TMEM161B: variants seen among roughly 807,000 people sequenced by gnomAD.
TMEM161B encodes transmembrane protein 161B.
In TMEM161B, 34 loss-of-function variants were observed where a neutral mutation model predicts 61.8. That is an observed-to-expected ratio of 0.55 (90% CI 0.42 to 0.73). The LOEUF (loss-of-function observed/expected upper bound fraction) is 0.73, where lower values mean the gene tolerates loss of function less well. Ranked by LOEUF, TMEM161B falls within the 30% of genes least tolerant of loss-of-function variation. The pLI, the probability that TMEM161B is intolerant of heterozygous loss-of-function variation, is 0.00. For synonymous variants in TMEM161B, 167 were observed against 192.8 expected, an observed-to-expected ratio of 0.87 and a Z score of 1.11; for missense variants, 456 against 558.5, an observed-to-expected ratio of 0.82 and a Z score of 1.85.
At chr5:88,215,745 G>A (rs1014939128) in intron 5 of TMEM161B, among the ~76,000 whole-genome samples, 3 of 152,116 alleles carry the variant, frequency 2.0e-5, no homozygotes, top group Non-Finnish European at 2.9e-5. Context: ...GGCTGTGTGG[G>A]ACCTTTGCTC....
Position 88,207,157 on chromosome 5 carries a change from G to A in TMEM161B, c.470C>T (p.Thr157Ile), listed in dbSNP as rs200640018. 6.2e-7 allele frequency: 1 copy of A among 1,609,204 alleles called. No individual in the cohort carries two copies. The highest frequency in any genetic ancestry group is 8.5e-7 in the Non-Finnish European group (1 of 1,178,570). Residue 157 changes from threonine to isoleucine, a missense_variant, in exon 6 of 12, where the codon ACA becomes ATA. Physicochemically the swap from Thr to Ile is moderately conservative, Grantham distance 89. Transcript: ENST00000296595. ...ACCATCTTCTACTTTAAAATAGTGT[G>A]TAGTTAATGAAAATAGAACTTTGCT... ...FAIKVLFSLTTHYFKVEDGGE... is the reference protein window; with the variant it reads ...FAIKVLFSLTIHYFKVEDGGE...
chr5:88,215,585 T>G (rs893524913), intron 5 of TMEM161B, among the ~76,000 whole-genome samples: 4 of 152,142 alleles, frequency 2.6e-5, no homozygotes, highest in Non-Finnish European at 5.9e-5. Context: ...TGGCAGAAAG[T>G]AGCTTGGCCT....
chr5:88,223,714 C>T (rs536869126), intron 4 of TMEM161B, among the ~76,000 whole-genome samples: 8 of 152,010 alleles, frequency 5.3e-5, no homozygotes, highest in Admixed American at 2.6e-4. Context: ...GGTGAAACCC[C>T]GTCTCCACTA....
rs887589545 is a variant in TMEM161B, at chr5:88,228,480, T to C, written c.156A>G (p.Ala52=). The change falls in exon 3 of 12, where the codon GCA becomes GCG. Residue 52 remains alanine (A), a synonymous_variant. Transcript: ENST00000296595. ...TGGTTTTCCCTTTTTGTTGTTTCCC[T>C]GCAAGAATTCTTAATTCTTCTTCTG... The part of the protein sequence containing the change: ...HPTEEELRIL[A]GKQQKGKTKK... 8 of 1,608,892 alleles carry C rather than the reference T, an allele frequency of 5.0e-6. No individual in the cohort carries two copies. The Admixed American group carries it at 5.0e-5, about 10-fold the overall frequency.
chr5:88,224,951 C>T (rs1278946767), intron 4 of TMEM161B, among the ~76,000 whole-genome samples: 1 of 146,246 alleles, frequency 6.8e-6, no homozygotes, highest in Non-Finnish European at 1.5e-5. Flanking sequence ...ACATAACACA[C>T]AAAATATGTT....
rs1749867131 is a variant in TMEM161B, at chr5:88,197,527, C to G, written c.1186+142G>C. 1.4e-5 allele frequency: 10 copies of G among 710,956 alleles called. 1 individual carries two copies. In the South Asian group the frequency reaches 1.9e-4, roughly 13 times the overall value. The allele number at this position is 710,956 out of a possible 1,614,324, so 44.0% of individuals were successfully genotyped here. A position where few individuals can be genotyped will look rare whatever the true frequency, so the allele number is the denominator to read the frequency against. ...GAAGATGATAAATCACCTTCCACAG[C>G]TAAAACTTTCCCATGGTTCTTTTTA... On this transcript the variant is annotated intron_variant, in intron 11 of 11. Coordinates refer to ENST00000296595, the MANE Select transcript of TMEM161B (RefSeq NM_153354.5).
intron 9 of TMEM161B, 139 bp downstream of exon 9, chr5:88,202,823 C>A (rs1179744509): frequency 1.4e-6 from 1 of 700,130 alleles, no homozygotes; most frequent in Non-Finnish European, 2.5e-6. Flanking sequence ...TTTCAATTTT[C>A]TAACACATCT....
At chr5:88,232,681 C>CTCCTGCCT (rs1342038493) in intron 2 of TMEM161B, among the ~76,000 whole-genome samples, 2 of 152,128 alleles carry the variant, frequency 1.3e-5, no homozygotes, top group Non-Finnish European at 2.9e-5. Flanking sequence ...TCATGCCATT[C>CTCCTGCCT]TCCTGCCTCA....
At chr5:88,217,235 C>T (rs996709313) in intron 5 of TMEM161B, among the ~76,000 whole-genome samples, 20 of 152,154 alleles carry the variant, frequency 1.3e-4, no homozygotes, top group African/African-American at 4.6e-4. Context: ...ACAGCCTGGG[C>T]AACAGAGCAA....
In TMEM161B at chr5:88,203,803, AT is replaced by A. The variant is rs1561312750; in HGVS notation, c.801-729del. On this transcript the variant is annotated intron_variant, in intron 8 of 11. Coordinates refer to ENST00000296595, the MANE Select transcript of TMEM161B (RefSeq NM_153354.5). The stretch of plus-strand genomic sequence containing the variant: ...TATATATATATATATATATATATAT[AT>A]ATATATATATAATTTGCATTACTCC... 1.4e-3 allele frequency among the ~76,000 whole-genome samples: 138 copies of A among 95,908 alleles called. 11 individuals carry two copies. Among genetic ancestry groups the A allele is most frequent in the African/African-American group, 3.1e-3 (67 of 21,460 alleles). 62.9% of individuals were successfully genotyped at this position (95,908 alleles called of 152,430 possible). A position where few individuals can be genotyped will look rare whatever the true frequency, so the allele number is the denominator to read the frequency against.
chr5:88,248,608 C>A (rs1344316874), intron 1 of TMEM161B, among the ~76,000 whole-genome samples: 1 of 151,482 alleles, frequency 6.6e-6, no homozygotes, highest in Non-Finnish European at 1.5e-5. Flanking sequence ...CTGTTTTTCC[C>A]AGGGAGACCC....
chr5:88,194,242 G>T (rs747217412), downstream of TMEM161B, among the ~76,000 whole-genome samples: 41 of 152,018 alleles, frequency 2.7e-4, no homozygotes, highest in Admixed American at 5.9e-4. Flanking sequence ...AGAACATCTG[G>T]TATTTCATTT....
At chr5:88,198,461 C>G (rs1374412755) in intron 10 of TMEM161B, 4 of 151,822 alleles carry the variant, frequency 2.6e-5, no homozygotes, top group Non-Finnish European at 5.9e-5. Flanking sequence ...AATAATAAAG[C>G]AAGGTAGCCA....
At chr5:88,187,184 C>A (rs1748402449), downstream of TMEM161B, among the ~76,000 whole-genome samples, 1 of 152,192 alleles carries the variant, frequency 6.6e-6, no homozygotes, top group African/African-American at 2.4e-5. Flanking sequence ...AAGTATGAGA[C>A]TATTTCTCAG....
At chr5:88,247,183 A>G (rs1364142178) in intron 1 of TMEM161B, among the ~76,000 whole-genome samples, 1 of 152,124 alleles carries the variant, frequency 6.6e-6, no homozygotes, top group Admixed American at 6.6e-5. Context: ...GGAAGGTTAC[A>G]AAAATTCTTA....
In TMEM161B at chr5:88,206,930, T is replaced by C. The variant is rs536205075; in HGVS notation, c.598+99A>G. 4 of 997,372 alleles carry C rather than the reference T, an allele frequency of 4.0e-6. No individual in the cohort carries two copies. In the South Asian group the frequency reaches 6.4e-5, roughly 16 times the overall value. 61.8% of individuals were successfully genotyped at this position (997,372 alleles called of 1,614,324 possible). A position where few individuals can be genotyped will look rare whatever the true frequency, so the allele number is the denominator to read the frequency against. On this transcript the variant is annotated intron_variant, in intron 6 of 11. Coordinates refer to ENST00000296595, the MANE Select transcript of TMEM161B (RefSeq NM_153354.5). Reference sequence around the variant, plus strand: ...TACAGAGTATACACTTTAAATTTAATTTTAGATATTTATCAGACATAAAAC... The same window carrying C: ...TACAGAGTATACACTTTAAATTTAACTTTAGATATTTATCAGACATAAAAC...
chr5:88,226,184 G>A (rs1750020941), intron 3 of TMEM161B, among the ~76,000 whole-genome samples: 1 of 151,936 alleles, frequency 6.6e-6, no homozygotes, highest in Non-Finnish European at 1.5e-5. Flanking sequence ...TTAGGCACAA[G>A]AGTAAATGCA....
At chr5:88,255,978 T>G (rs922728520) in intron 1 of TMEM161B, among the ~76,000 whole-genome samples, 2 of 152,110 alleles carry the variant, frequency 1.3e-5, no homozygotes, top group Admixed American at 1.3e-4. Flanking sequence ...GATGACAATA[T>G]AAAGTCATTT....
chr5:88,258,360 C>G (rs1755262069), intron 1 of TMEM161B, among the ~76,000 whole-genome samples: 2 of 152,088 alleles, frequency 1.3e-5, no homozygotes, highest in Admixed American at 1.3e-4. Flanking sequence ...CTAGTAATAA[C>G]TGATACAATG....
Sources: gnomAD v4.1 joint callset for allele counts (sites outside exome capture counted in the v4.1 genomes callset) on GRCh38, gnomAD v4.1.1 for gene constraint, MANE v1.5 for transcripts, NCBI Gene and HGNC (gene_info 2026-07-23, HGNC 2026-07-21) for gene names.